FAM13A: variants seen among roughly 807,000 people sequenced by gnomAD.
FAM13A encodes protein FAM13A.
FAM13A carries 76 observed loss-of-function variants against 129.6 expected under a neutral mutation model. That is an observed-to-expected ratio of 0.59 (90% confidence interval 0.49 to 0.71). The LOEUF (loss-of-function observed/expected upper bound fraction) is 0.71, where lower values mean the gene tolerates loss of function less well. Ranked by LOEUF, FAM13A falls within the 30% of genes least tolerant of loss-of-function variation. The probability of loss-of-function intolerance (pLI) is 0.00; values close to 1 mark genes in which losing one functional copy is unlikely to be tolerated. For synonymous variants in FAM13A, 443 were observed against 449.9 expected, an observed-to-expected ratio of 0.98 and a Z score of 0.20; for missense variants, 1,108 against 1,249.3, an observed-to-expected ratio of 0.89 and a Z score of 1.70.
intron 6 of FAM13A, among the ~76,000 whole-genome samples, chr4:88,884,612 C>T (rs1169276294): frequency 6.6e-6 from 1 of 152,162 alleles, no homozygotes; most frequent in Non-Finnish European, 1.5e-5. Flanking sequence ...CCACTCTCTT[C>T]ACTTCTATTC....
At chr4:88,732,408 C>T in intron 21 of FAM13A, 1 of 411,112 alleles carries the variant, frequency 2.4e-6, no homozygotes, top group Non-Finnish European at 4.3e-6. Context: ...TGTAGCCACT[C>T]AATAGAGAAA....
intron 6 of FAM13A, among the ~76,000 whole-genome samples, chr4:88,852,492 T>C (rs1737757896): frequency 6.6e-6 from 1 of 152,138 alleles, no homozygotes; most frequent in Non-Finnish European, 1.5e-5. Context: ...CCTTTCCCAA[T>C]TCTGAATTTC....
intron 4 of FAM13A, among the ~76,000 whole-genome samples, chr4:88,943,981 T>C (rs775825201): frequency 6.6e-6 from 1 of 152,216 alleles, no homozygotes; most frequent in Non-Finnish European, 1.5e-5. Flanking sequence ...GAAACATTTG[T>C]TTCTCCTCCC....
chr4:88,993,416 C>A (rs1763160875), intron 3 of FAM13A, among the ~76,000 whole-genome samples: 1 of 152,160 alleles, frequency 6.6e-6, no homozygotes, highest in Admixed American at 6.5e-5. Flanking sequence ...TTAAAGGTAA[C>A]AAGCAACAGC....
chr4:88,992,963 G>T (rs1257743749), intron 3 of FAM13A, among the ~76,000 whole-genome samples: 1 of 152,090 alleles, frequency 6.6e-6, no homozygotes, highest in African/African-American at 2.4e-5. Context: ...CAAAATCAGA[G>T]AATTAATCAG....
chr4:88,765,924 C>T (rs1259851789), intron 13 of FAM13A, among the ~76,000 whole-genome samples: 1 of 152,158 alleles, frequency 6.6e-6, no homozygotes, highest in African/African-American at 2.4e-5. Context: ...AAGAAGAGGA[C>T]TTGGCACATG....
chr4:88,750,009 G>A (rs1742227759), intron 15 of FAM13A, 100 bp from the exon 16 acceptor site: 7 of 1,283,262 alleles, frequency 5.5e-6, no homozygotes, highest in Middle Eastern at 2.7e-4. Flanking sequence ...GCGGTGGTGG[G>A]GTGGGGGCAG....
rs376042015 is a variant in FAM13A at position 88,905,982 on chromosome 4, T to C, written c.843+397A>G. On this transcript the variant is annotated intron_variant, in intron 6 of 23. Coordinates refer to ENST00000264344, the MANE Select transcript of FAM13A (RefSeq NM_014883.4). ...AAATGCAATCAACAGAACATGGAAATAGGAGAGCATCAAGAAACATGCTGG... is the reference window on the plus strand; with the variant it reads ...AAATGCAATCAACAGAACATGGAAACAGGAGAGCATCAAGAAACATGCTGG... Among the ~76,000 whole-genome samples the C allele has an allele frequency of 1.3e-3, 202 of 152,104 alleles. 2 individuals carry two copies. Among genetic ancestry groups the C allele is most frequent in the African/African-American group, 4.3e-3 (180 of 41,508 alleles).
At chr4:88,776,236 T>C (rs1249393046) in intron 11 of FAM13A, among the ~76,000 whole-genome samples, 1 of 152,200 alleles carries the variant, frequency 6.6e-6, no homozygotes, top group Admixed American at 6.5e-5. Context: ...CCTTTTAGCC[T>C]TTCTTCCTAG....
At chr4:88,831,815 C>T (rs1467017531) in intron 7 of FAM13A, among the ~76,000 whole-genome samples, 1 of 152,150 alleles carries the variant, frequency 6.6e-6, no homozygotes, top group East Asian at 1.9e-4. Flanking sequence ...AATGGCCACA[C>T]TGCCCAAAAT....
chr4:88,952,086 C>T (rs1271544356), intron 4 of FAM13A, among the ~76,000 whole-genome samples: 6 of 152,094 alleles, frequency 3.9e-5, no homozygotes, highest in African/African-American at 1.4e-4. Flanking sequence ...TTGTTCTTAT[C>T]ATTTGTATTA....
intron 3 of FAM13A, among the ~76,000 whole-genome samples, chr4:88,998,700 T>C (rs144952723): frequency 6.2e-4 from 94 of 152,354 alleles, no homozygotes; most frequent in African/African-American, 2.1e-3. Flanking sequence ...TATTTCTTTC[T>C]AAATATGTAT....
At chr4:88,795,875 T>C (rs974331774) in intron 8 of FAM13A, among the ~76,000 whole-genome samples, 7 of 151,782 alleles carry the variant, frequency 4.6e-5, no homozygotes, top group Admixed American at 4.6e-4. Flanking sequence ...TCTAATCTTT[T>C]AAAAAATTAT....
chr4:88,747,025 C>T lies in FAM13A; in HGVS notation c.2383-10G>A. The T allele has an allele frequency of 3.8e-6, 6 of 1,562,974 alleles. No homozygotes were observed. Among genetic ancestry groups the T allele is most frequent in the Non-Finnish European group, 5.3e-6 (6 of 1,134,312 alleles). On this transcript the variant is annotated splice_polypyrimidine_tract_variant and intron_variant, in intron 18 of 23. Transcript: ENST00000264344. ...GGTCTTTGGTCATATCCTGTATAAA[C>T]ACAGGGATAGAGAATTGAAAGAGAG...
chr4:88,983,228 T>C (rs1342416486), intron 4 of FAM13A, among the ~76,000 whole-genome samples: 1 of 152,026 alleles, frequency 6.6e-6, no homozygotes, highest in African/African-American at 2.4e-5. Context: ...CAACCTATTA[T>C]ATCAAGTGGT....
intron 6 of FAM13A, among the ~76,000 whole-genome samples, chr4:88,874,395 C>T (rs866162540): frequency 2.8e-4 from 43 of 152,118 alleles, no homozygotes; most frequent in African/African-American, 9.2e-4. Context: ...AAAACCCCAT[C>T]GTCTCAGCCC....
At chr4:89,055,002 C>T (rs1163299160) in intron 1 of FAM13A, among the ~76,000 whole-genome samples, 1 of 152,208 alleles carries the variant, frequency 6.6e-6, no homozygotes, top group African/African-American at 2.4e-5. Flanking sequence ...CCACCTGGCC[C>T]TTCTTTGAAT....
chr4:89,016,415 T>A (rs895130943), intron 3 of FAM13A, among the ~76,000 whole-genome samples: 1 of 152,058 alleles, frequency 6.6e-6, no homozygotes, highest in Non-Finnish European at 1.5e-5. Flanking sequence ...ACAAAACAAA[T>A]TTTTAAATAA....
intron 6 of FAM13A, among the ~76,000 whole-genome samples, chr4:88,874,546 T>A (rs1283001939): frequency 6.6e-6 from 1 of 152,018 alleles, no homozygotes; most frequent in Non-Finnish European, 1.5e-5. Flanking sequence ...CACAATTGCT[T>A]CAAAGAGAAT....
Sources: gnomAD v4.1 joint callset for allele counts (sites outside exome capture counted in the v4.1 genomes callset) on GRCh38, gnomAD v4.1.1 for gene constraint, MANE v1.5 for transcripts, NCBI Gene and HGNC (gene_info 2026-07-23, HGNC 2026-07-21) for gene names.